CCDC171: variants seen among roughly 807,000 people sequenced by gnomAD.
CCDC171 encodes the protein coiled-coil domain containing 171.
CCDC171 carries 177 observed loss-of-function variants against 168.2 expected under a neutral mutation model. The ratio of observed to expected loss-of-function variants is 1.05; its 90% CI spans 0.93 to 1.19. The LOEUF is 1.19. CCDC171 is among the 50% of genes most tolerant of loss of function. The pLI, the probability that CCDC171 is intolerant of heterozygous loss-of-function variation, is 0.00. For missense variants in CCDC171, 1,991 were observed against 1,539.0 expected (o/e 1.29, Z -4.91); for synonymous variants, 687 against 540.8 (o/e 1.27, Z -3.75).
chr9:15,562,359 A>G (rs1193956528), intron 1 of CCDC171, among the ~76,000 whole-genome samples: 4 of 152,132 alleles, frequency 2.6e-5, no homozygotes, highest in Non-Finnish European at 4.4e-5. Flanking sequence ...AAAGTCTTAT[A>G]TAATGTAATC....
intron 24 of CCDC171, among the ~76,000 whole-genome samples, chr9:15,897,826 C>T (rs527401707): frequency 6.6e-6 from 1 of 152,222 alleles, no homozygotes; most frequent in Admixed American, 6.6e-5. Flanking sequence ...AACAAATAAA[C>T]AAACATCAAC....
intron 3 of CCDC171, among the ~76,000 whole-genome samples, chr9:16,005,225 T>C (rs1832661765): frequency 6.6e-6 from 1 of 152,250 alleles, no homozygotes; most frequent in Admixed American, 6.5e-5. Flanking sequence ...TTAACTATTC[T>C]AGACATTTCA....
chr9:15,856,356 C>A (rs562865322), intron 23 of CCDC171, among the ~76,000 whole-genome samples: 1 of 151,894 alleles, frequency 6.6e-6, no homozygotes, highest in Admixed American at 6.6e-5. Context: ...GACCCCAGCC[C>A]CTGGTAACCA....
At chr9:15,692,637 C>G (rs1037058485) in intron 10 of CCDC171, among the ~76,000 whole-genome samples, 1 of 151,200 alleles carries the variant, frequency 6.6e-6, no homozygotes, top group African/African-American at 2.4e-5. Flanking sequence ...ACGCCATTCT[C>G]CTGCCTCAGC....
At chr9:16,092,732 A>C in the CCDC171 span, among the ~76,000 whole-genome samples, 28,593 of 152,040 alleles carry the variant, frequency 0.19, 2,827 homozygotes, top group African/African-American at 0.2. Context: ...TTGCAAGTTT[A>C]CCCTGGGCTC....
chr9:15,931,036 G>T (rs1472994998), intron 25 of CCDC171, among the ~76,000 whole-genome samples: 1 of 151,684 alleles, frequency 6.6e-6, no homozygotes, highest in East Asian at 2.0e-4. Context: ...TCACATCCAT[G>T]CAATAAACAT....
intron 4 of CCDC171, among the ~76,000 whole-genome samples, chr9:15,581,223 G>A (rs931680073): frequency 3.9e-5 from 6 of 152,108 alleles, no homozygotes; most frequent in Admixed American, 1.3e-4. Flanking sequence ...CAACTTACAA[G>A]GGATGTGAAG....
intron 11 of CCDC171, among the ~76,000 whole-genome samples, chr9:15,706,168 T>A (rs2052205969): frequency 6.6e-6 from 1 of 152,196 alleles, no homozygotes; most frequent in African/African-American, 2.4e-5. Flanking sequence ...GAAATTCTTA[T>A]AGTAGGATGT....
intron 4 of CCDC171, among the ~76,000 whole-genome samples, 182 bp from the exon 5 acceptor site, chr9:15,591,184 C>A (rs1321399397): frequency 6.6e-6 from 1 of 152,040 alleles, no homozygotes; most frequent in African/African-American, 2.4e-5. Flanking sequence ...GATTTAGAGA[C>A]TGTGAGCTTT....
intron 21 of CCDC171, among the ~76,000 whole-genome samples, chr9:15,829,925 A>T (rs1030410340): frequency 6.6e-6 from 1 of 152,228 alleles, no homozygotes. Context: ...GCTCAAAAAA[A>T]TGTGCAATAA....
intron 24 of CCDC171, among the ~76,000 whole-genome samples, chr9:15,890,349 T>C (rs1268964651): frequency 1.3e-5 from 2 of 152,154 alleles, no homozygotes; most frequent in Non-Finnish European, 2.9e-5. Flanking sequence ...GAGGTAGCAT[T>C]TGAGTGGACC....
chr9:16,071,521 C>T, the CCDC171 span, among the ~76,000 whole-genome samples: 7 of 127,882 alleles, frequency 5.5e-5, no homozygotes, highest in East Asian at 4.1e-4. Context: ...TGTGTTTTTG[C>T]TTAGATCTTC....
At chr9:15,983,712 C>T (rs1831881064) in intron 3 of CCDC171, among the ~76,000 whole-genome samples, 1 of 151,722 alleles carries the variant, frequency 6.6e-6, no homozygotes, top group Non-Finnish European at 1.5e-5. Context: ...AAATAATCTG[C>T]TCAATGGGAT....
rs553766413 is a variant in CCDC171 at position 15,743,078 on chromosome 9, C to T, written c.2050-1195C>T. ...ATAGGTGTGAGCCCTTATGCCTGGC[C>T]CCAATAAATGTTTATTGAATAATAA... On this transcript the variant is annotated intron_variant, in intron 16 of 25. Coordinates refer to ENST00000380701, the MANE Select transcript of CCDC171 (RefSeq NM_173550.4). Among the ~76,000 whole-genome samples, 11 of 151,234 alleles carry T rather than the reference C, an allele frequency of 7.3e-5. No homozygotes were observed. The South Asian group carries it at 1.7e-3, about 23-fold the overall frequency.
chr9:15,730,861 T>A (rs2054107613), intron 16 of CCDC171, among the ~76,000 whole-genome samples: 1 of 152,044 alleles, frequency 6.6e-6, no homozygotes, highest in African/African-American at 2.4e-5. Flanking sequence ...TAAACAATTT[T>A]AATTTTGTAG....
chr9:15,912,283 C>A (rs1823784603), intron 24 of CCDC171, among the ~76,000 whole-genome samples: 1 of 151,926 alleles, frequency 6.6e-6, no homozygotes, highest in South Asian at 2.1e-4. Context: ...ACCTTATATT[C>A]TTAGGTATTT....
intron 10 of CCDC171, among the ~76,000 whole-genome samples, chr9:15,680,709 T>C (rs1288990894): frequency 6.6e-6 from 1 of 152,218 alleles, no homozygotes; most frequent in African/African-American, 2.4e-5. Flanking sequence ...ATCTGTTCAC[T>C]GTAATGTTAT....
intron 7 of CCDC171, among the ~76,000 whole-genome samples, chr9:15,627,022 A>G (rs899242035): frequency 6.6e-6 from 1 of 152,142 alleles, no homozygotes; most frequent in African/African-American, 2.4e-5. Flanking sequence ...TTGGGATTCA[A>G]CTTCTTCCTG....
downstream of CCDC171, among the ~76,000 whole-genome samples, chr9:15,976,776 T>A (rs995222301): frequency 1.3e-5 from 2 of 152,034 alleles, no homozygotes; most frequent in Non-Finnish European, 2.9e-5. Context: ...ATAATTTTAT[T>A]CAACAAGGAA....
Sources: gnomAD v4.1 joint callset for allele counts (sites outside exome capture counted in the v4.1 genomes callset) on GRCh38, gnomAD v4.1.1 for gene constraint, MANE v1.5 for transcripts, NCBI Gene and HGNC (gene_info 2026-07-23, HGNC 2026-07-21) for gene names.